The following GRB10 variants were observed in gnomAD, a reference collection of about 807,000 sequenced individuals.
The protein encoded by GRB10 is growth factor receptor bound protein 10, also known as growth factor receptor-bound protein 10.
A neutral mutation model predicts 80.9 loss-of-function variants in GRB10; 20 were observed. The ratio of observed to expected loss-of-function variants is 0.25; its 90% confidence interval spans 0.17 to 0.36. The LOEUF (loss-of-function observed/expected upper bound fraction) is 0.36. Ranked by LOEUF, GRB10 falls within the 10% of genes least tolerant of loss-of-function variation. The pLI is 1.00. For missense variants in GRB10, 548 were observed against 747.7 expected, an observed-to-expected ratio of 0.73 and a Z score of 3.12; for synonymous variants, 291 against 291.5, an observed-to-expected ratio of 1.00 and a Z score of 0.02.
chr7:50,777,012 G>A (rs2077726609), intron 2 of GRB10, among the ~76,000 whole-genome samples: 1 of 141,786 alleles, frequency 7.1e-6, no homozygotes, highest in South Asian at 2.4e-4. Context: ...TTAAGTATTT[G>A]CTATAACAAC....
chr7:50,778,264 T>C (rs889285398), intron 2 of GRB10, among the ~76,000 whole-genome samples: 1 of 152,204 alleles, frequency 6.6e-6, no homozygotes, highest in African/African-American at 2.4e-5. Flanking sequence ...AATCCAAAGT[T>C]TCCTCACTTA....
chr7:50,763,917 T>C lies in GRB10; in HGVS notation c.-216-7861A>G, dbSNP rs116466676. Among the ~76,000 whole-genome samples, 1,221 of 152,310 alleles carry C rather than the reference T, an allele frequency of 8.0e-3. 18 individuals carry two copies. Among genetic ancestry groups the C allele is most frequent in the African/African-American group, 0.028 (1,154 of 41,568 alleles). On this transcript the variant is annotated intron_variant, in intron 2 of 18. Coordinates refer to ENST00000401949, the MANE Select transcript of GRB10 (RefSeq NM_001350814.2). ...CCCATGAGGTGACACCATTGCCCTC[T>C]GTACTTCAAATGCACCCAAATTCTC...
chr7:50,734,678 T>C (rs919128078), intron 3 of GRB10, among the ~76,000 whole-genome samples: 10 of 152,238 alleles, frequency 6.6e-5, no homozygotes, highest in African/African-American at 1.9e-4. Flanking sequence ...TACCTAAATA[T>C]CACCTTTGAA....
chr7:50,722,922 C>T (rs1003138910), intron 4 of GRB10, among the ~76,000 whole-genome samples: 1 of 152,080 alleles, frequency 6.6e-6, no homozygotes, highest in Admixed American at 6.6e-5. Context: ...ACTCACCCCT[C>T]ATACTGCACA....
intron 4 of GRB10, among the ~76,000 whole-genome samples, chr7:50,723,422 C>T (rs771839841): frequency 1.8e-4 from 27 of 152,168 alleles, no homozygotes; most frequent in African/African-American, 6.0e-4. Flanking sequence ...GTCCAAAGAA[C>T]GAAATGTTCT....
intron 5 of GRB10, among the ~76,000 whole-genome samples, chr7:50,687,877 C>T (rs1442127947): frequency 6.6e-6 from 1 of 152,224 alleles, no homozygotes; most frequent in Non-Finnish European, 1.5e-5. Flanking sequence ...ACTTACTGCT[C>T]ACATCTCCAA....
intron 5 of GRB10, among the ~76,000 whole-genome samples, chr7:50,678,474 T>C (rs1189886224): frequency 6.6e-6 from 1 of 152,214 alleles, no homozygotes; most frequent in Non-Finnish European, 1.5e-5. Context: ...AAATTTTAAA[T>C]GCCATACTTT....
chr7:50,725,550 A>G (rs1385835104), intron 4 of GRB10, among the ~76,000 whole-genome samples: 1 of 152,216 alleles, frequency 6.6e-6, no homozygotes, highest in Non-Finnish European at 1.5e-5. Flanking sequence ...AAAGGCAACC[A>G]TCTGGTCTCA....
At chr7:50,734,252 T>C (rs897813314) in intron 3 of GRB10, among the ~76,000 whole-genome samples, 3 of 152,076 alleles carry the variant, frequency 2.0e-5, no homozygotes, top group African/African-American at 7.2e-5. Context: ...CACACTCTTG[T>C]GCGACTCCTC....
chr7:50,670,009 A>T, intron 6 of GRB10, 146 bp from the exon 7 acceptor site: 2 of 938,764 alleles, frequency 2.1e-6, no homozygotes, highest in Non-Finnish European at 3.3e-6. Context: ...TCCTTCACAA[A>T]AGCCAAAAAG....
At chr7:50,669,100 C>T (rs1026763512) in intron 7 of GRB10, among the ~76,000 whole-genome samples, 13 of 152,268 alleles carry the variant, frequency 8.5e-5, no homozygotes, top group African/African-American at 2.9e-4. Flanking sequence ...TATTATTGAG[C>T]CAGTGGTGAA....
Position 50,732,349 on chromosome 7 carries a change from C to T in GRB10, c.-27G>A, listed in dbSNP as rs1379858445. ...GGTTCCTTCTGCCTTCTTCAAATTA[C>T]ATTTACTGCGCTGCAGCACCTGGAA... is the stretch of plus-strand genomic sequence containing the variant. On this transcript the variant is annotated 5_prime_UTR_variant, in exon 4 of 19. It removes an upstream start codon present in the reference 5' UTR. Coordinates refer to ENST00000401949, the MANE Select transcript of GRB10 (RefSeq NM_001350814.2). The T allele has an allele frequency of 6.2e-7, 1 of 1,606,442 alleles. No homozygotes were observed. The highest frequency in any genetic ancestry group is 1.1e-5 in the South Asian group (1 of 90,930).
intron 3 of GRB10, chr7:50,747,753 G>C (rs2073236498): frequency 1.3e-5 from 2 of 152,282 alleles, no homozygotes; most frequent in African/African-American, 2.4e-5. Context: ...ATGCTCAGGA[G>C]AGAAGTGGTG....
chr7:50,792,208 T>G (rs2078947231), intron 1 of GRB10, among the ~76,000 whole-genome samples: 1 of 152,138 alleles, frequency 6.6e-6, no homozygotes, highest in African/African-American at 2.4e-5. Flanking sequence ...GCATATTTAC[T>G]CACGAGCTCT....
chr7:50,748,335 T>C (rs1040960067), intron 3 of GRB10, among the ~76,000 whole-genome samples: 2 of 152,192 alleles, frequency 1.3e-5, no homozygotes, highest in East Asian at 3.9e-4. Flanking sequence ...CTACCTGCTA[T>C]AGGCCAAGTG....
chr7:50,782,517 G>C lies in GRB10; in HGVS notation c.-420C>G, dbSNP rs1465195839. 1 of 150,282 alleles carries C rather than the reference G, an allele frequency of 6.7e-6. No homozygotes were observed. The highest frequency in any genetic ancestry group is 1.5e-5 in the Non-Finnish European group (1 of 67,352). The allele number at this position is 150,282 out of a possible 1,614,324, so 9.3% of individuals were successfully genotyped here. ...TCGGGGCCCGGCCCCCGCAGTGCCC[G>C]GCGCGTGGACAGCGCTCCGCATGGA... On this transcript the variant is annotated 5_prime_UTR_variant, in exon 1 of 19. Coordinates refer to ENST00000401949, the MANE Select transcript of GRB10 (RefSeq NM_001350814.2). This position sits in a 1 kb window ranked among gnomAD's most constrained non-coding sequence, Gnocchi z 6.6.
intron 17 of GRB10, among the ~76,000 whole-genome samples, chr7:50,596,829 T>TA (rs2046741016): frequency 1.3e-5 from 2 of 152,204 alleles, no homozygotes; most frequent in South Asian, 2.1e-4. Flanking sequence ...TCTACAACCT[T>TA]AAAATTTTTT....
At chr7:50,784,766 CAA>C (rs2078621350), upstream of GRB10, among the ~76,000 whole-genome samples, 1 of 152,144 alleles carries the variant, frequency 6.6e-6, no homozygotes, top group Admixed American at 6.5e-5. Flanking sequence ...ACAGCAAAGG[CAA>C]AAGAGATGAA....
chr7:50,616,486 A>G (rs2153580782), intron 10 of GRB10, 139 bp from the exon 11 acceptor site: 2 of 806,778 alleles, frequency 2.5e-6, no homozygotes, highest in Non-Finnish European at 4.0e-6. Context: ...CTCCTTTCCA[A>G]AGTCTTAAAA....
Sources: allele counts gnomAD v4.1 joint callset (sites outside exome capture counted in the v4.1 genomes callset), GRCh38; gene constraint gnomAD v4.1.1; non-coding constraint Gnocchi (gnomAD v3.1); transcripts MANE v1.5; gene names NCBI Gene and HGNC (gene_info 2026-07-23, HGNC 2026-07-21).